Variants in CORO2B observed in about 807,000 individuals in gnomAD.
CORO2B encodes coronin-2B.
In CORO2B, 26 loss-of-function variants were observed where a neutral mutation model predicts 58.8. The observed-to-expected ratio is 0.44, with a 90% CI of 0.32 to 0.61. The LOEUF is 0.61. Among genes scored for constraint, CORO2B ranks in the 20% least tolerant of loss-of-function variants. The pLI is 0.04. For missense variants in CORO2B, 460 were observed against 645.1 expected, an observed-to-expected ratio of 0.71 and a Z score of 3.11; for synonymous variants, 242 against 253.8, an observed-to-expected ratio of 0.95 and a Z score of 0.44.
chr15:68,623,440 A>C lies in CORO2B; in HGVS notation c.16-21720A>C, dbSNP rs553683489. ...CATGTGGAAGCCTGACGTGAGTGACAGCCAGTCTGGCCCACCCACAGCTGT... is the reference window on the plus strand; with the variant it reads ...CATGTGGAAGCCTGACGTGAGTGACCGCCAGTCTGGCCCACCCACAGCTGT... On this transcript the variant is annotated intron_variant, in intron 1 of 11. Coordinates refer to ENST00000261861, the MANE Select transcript of CORO2B (RefSeq NM_006091.5). 7.2e-4 allele frequency among the ~76,000 whole-genome samples: 110 copies of C among 152,264 alleles called. 1 individual carries two copies. The South Asian group carries it at 0.014, about 19-fold the overall frequency.
intron 1 of CORO2B, among the ~76,000 whole-genome samples, chr15:68,585,986 C>A (rs764823522): frequency 5.9e-5 from 9 of 152,198 alleles, no homozygotes; most frequent in Non-Finnish European, 1.0e-4. Flanking sequence ...TCCAGGCCTG[C>A]AGCCCTTACG....
intron 1 of CORO2B, among the ~76,000 whole-genome samples, chr15:68,604,995 T>A (rs541754239): frequency 8.6e-5 from 13 of 151,896 alleles, no homozygotes; most frequent in Non-Finnish European, 1.8e-4. Flanking sequence ...ACACCTGTAA[T>A]CCCAGCTACT....
upstream of CORO2B, among the ~76,000 whole-genome samples, chr15:68,574,327 G>T (rs937840559): frequency 6.6e-6 from 1 of 152,164 alleles, no homozygotes; most frequent in Non-Finnish European, 1.5e-5. Context: ...GGCAGCAAGG[G>T]GTGGAGGAGC....
At chr15:68,559,725 G>A in the CORO2B span, 2 of 809,650 alleles carry the variant, frequency 2.5e-6, no homozygotes, top group South Asian at 5.6e-5. This position sits in a 1 kb window ranked among gnomAD's most constrained non-coding sequence, Gnocchi z 4.3. Flanking sequence ...GGGACTGTCG[G>A]TGAGGCTGCG....
intron 1 of CORO2B, among the ~76,000 whole-genome samples, chr15:68,606,028 C>A (rs1301013520): frequency 6.6e-6 from 1 of 151,678 alleles, no homozygotes; most frequent in African/African-American, 2.4e-5. Context: ...CCGGCCGGCT[C>A]TTGGGTTTTG....
the CORO2B span, among the ~76,000 whole-genome samples, chr15:68,562,073 G>C: frequency 2.0e-5 from 3 of 152,194 alleles, no homozygotes; most frequent in African/African-American, 7.2e-5. Context: ...GGACTGAGGA[G>C]AAAGGCCTTA....
chr15:68,521,742 C>CTCCTT, the CORO2B span, among the ~76,000 whole-genome samples: 6 of 151,304 alleles, frequency 4.0e-5, no homozygotes, highest in African/African-American at 1.5e-4. Context: ...TCACTATATA[C>CTCCTT]TTCTTTTCTT....
At chr15:68,646,088 T>A (rs1231963675) in intron 2 of CORO2B, among the ~76,000 whole-genome samples, 1 of 152,132 alleles carries the variant, frequency 6.6e-6, no homozygotes, top group Non-Finnish European at 1.5e-5. Context: ...CATTTTTTTT[T>A]TAATTGCTCT....
At chr15:68,578,972 G>T (rs890573556), upstream of CORO2B, 289 of 956,316 alleles carry the variant, frequency 3.0e-4, no homozygotes, top group Non-Finnish European at 3.2e-4. The surrounding 1 kb of genome is among the most constrained non-coding windows in gnomAD (Gnocchi z 4.2). Flanking sequence ...CCCAGCCCGG[G>T]CCCTCTCCCT....
chr15:68,668,857 TC>T (rs1160211015), intron 2 of CORO2B, among the ~76,000 whole-genome samples: 1 of 152,120 alleles, frequency 6.6e-6, no homozygotes, highest in Non-Finnish European at 1.5e-5. Context: ...GGTGGGTAGA[TC>T]ACCTGAGGTC....
the CORO2B span, among the ~76,000 whole-genome samples, chr15:68,568,318 G>C: frequency 6.6e-6 from 1 of 151,666 alleles, no homozygotes; most frequent in Non-Finnish European, 1.5e-5. Context: ...TAAAGTCGGA[G>C]CGGTTATAAG....
At chr15:68,590,384 G>C (rs1057191023) in intron 1 of CORO2B, among the ~76,000 whole-genome samples, 1 of 152,140 alleles carries the variant, frequency 6.6e-6, no homozygotes. Context: ...CTGCACTTCT[G>C]TTCTCTCAGG....
At chr15:68,695,617 A>C (rs1399392062) in intron 3 of CORO2B, among the ~76,000 whole-genome samples, 5 of 152,206 alleles carry the variant, frequency 3.3e-5, no homozygotes, top group Non-Finnish European at 7.3e-5. Context: ...AAGGAACTGG[A>C]TGGGCATGAG....
the CORO2B span, among the ~76,000 whole-genome samples, chr15:68,561,852 G>A: frequency 7.9e-5 from 12 of 152,226 alleles, no homozygotes; most frequent in Admixed American, 2.0e-4. Context: ...GCCTGTGTGC[G>A]TAGTTGTGCA....
intron 1 of CORO2B, among the ~76,000 whole-genome samples, chr15:68,590,553 C>G (rs1410234424): frequency 6.6e-6 from 1 of 152,176 alleles, no homozygotes; most frequent in Non-Finnish European, 1.5e-5. Context: ...GCCAGCTGGC[C>G]TGGCAGTGGA....
chr15:68,594,906 C>T (rs1899789493), intron 1 of CORO2B, among the ~76,000 whole-genome samples: 1 of 152,224 alleles, frequency 6.6e-6, no homozygotes, highest in Non-Finnish European at 1.5e-5. Context: ...TGGGCTTTGC[C>T]TCTATCATGC....
chr15:68,533,777 G>A, the CORO2B span, among the ~76,000 whole-genome samples: 1 of 152,202 alleles, frequency 6.6e-6, no homozygotes, highest in Non-Finnish European at 1.5e-5. Context: ...ATGTATTAGA[G>A]CAAGAGTATA....
intron 1 of CORO2B, among the ~76,000 whole-genome samples, chr15:68,642,210 A>C (rs1901271353): frequency 6.6e-6 from 1 of 151,770 alleles, no homozygotes; most frequent in Non-Finnish European, 1.5e-5. Flanking sequence ...TATCCTCTTT[A>C]ATATGGGAGT....
At chr15:68,695,102 C>G in intron 2 of CORO2B, 38 bp from the exon 3 acceptor site, 1 of 1,552,952 alleles carries the variant, frequency 6.4e-7, no homozygotes, top group South Asian at 1.1e-5. Context: ...GGCCATCAAA[C>G]TAATCTCCTT....
Sources: gnomAD v4.1 joint callset for allele counts (sites outside exome capture counted in the v4.1 genomes callset) on GRCh38, gnomAD v4.1.1 for gene constraint, Gnocchi (gnomAD v3.1) non-coding constraint, MANE v1.5 for transcripts, NCBI Gene and HGNC (gene_info 2026-07-23, HGNC 2026-07-21) for gene names.